The following FXYD5 variants were observed in gnomAD, a reference collection of about 807,000 sequenced individuals.
The protein encoded by FXYD5 is FXYD domain containing ion transport regulator 5.
Under a neutral mutation model 25.7 loss-of-function variants are expected in FXYD5, and 21 were observed. The observed-to-expected ratio is 0.82, with a 90% CI of 0.58 to 1.18. FXYD5 has a LOEUF of 1.18. FXYD5 is among the 50% of genes most tolerant of loss of function. The pLI is 0.00. For synonymous variants in FXYD5, 101 were observed against 90.7 expected, an observed-to-expected ratio of 1.11 and a Z score of -0.64; for missense variants, 229 against 227.7, an observed-to-expected ratio of 1.01 and a Z score of -0.04.
At chr19:35,156,247 C>A (rs1051752954) in intron 2 of FXYD5, among the ~76,000 whole-genome samples, 1 of 152,204 alleles carries the variant, frequency 6.6e-6, no homozygotes, top group African/African-American at 2.4e-5. Flanking sequence ...AACTGTCCTG[C>A]CTGCCCCCAG....
At chr19:35,155,449 G>GTT in intron 1 of FXYD5, 102 bp from the exon 2 acceptor site, 1 of 963,024 alleles carries the variant, frequency 1.0e-6, no homozygotes, top group Non-Finnish European at 1.7e-6. Flanking sequence ...GAAGCCAGAG[G>GTT]TTTTTGCTCA....
chr19:35,159,453 GTTC>G (rs1022591851), intron 4 of FXYD5: 141 of 1,536,582 alleles, frequency 9.2e-5, no homozygotes, highest in Non-Finnish European at 1.2e-4. Context: ...ATGTTTGGAA[GTTC>G]TTCTCACATC....
At chr19:35,159,177 C>T (rs1047129917) in intron 4 of FXYD5, among the ~76,000 whole-genome samples, 1 of 151,568 alleles carries the variant, frequency 6.6e-6, no homozygotes, top group African/African-American at 2.4e-5. Flanking sequence ...TTTAAAGACA[C>T]AGTAGTACAA....
intron 3 of FXYD5, 91 bp from the exon 4 acceptor site, chr19:35,158,253 A>G: frequency 3.7e-6 from 3 of 820,862 alleles, no homozygotes; most frequent in Non-Finnish European, 4.3e-6. Flanking sequence ...TTGAGTTGCT[A>G]CGGGAATCTC....
chr19:35,166,228 C>T (rs1369629738), intron 7 of FXYD5, 23 bp from the exon 8 acceptor site: 1 of 1,610,110 alleles, frequency 6.2e-7, no homozygotes, highest in South Asian at 1.1e-5. Flanking sequence ...TCTGACTCTA[C>T]CCCTTCATTT....
intron 5 of FXYD5, 132 bp from the exon 6 acceptor site, chr19:35,164,024 A>G (rs1435981966): frequency 1.3e-6 from 2 of 1,536,266 alleles, no homozygotes; most frequent in African/African-American, 2.8e-5. Flanking sequence ...AGTAGGGGGG[A>G]TGCCTGACCC....
intron 2 of FXYD5, 83 bp downstream of exon 2, chr19:35,155,694 C>A: frequency 9.9e-7 from 1 of 1,008,670 alleles, no homozygotes; most frequent in Non-Finnish European, 1.6e-6. Context: ...GGGTGGTTGG[C>A]CCGTGTGAAC....
At chr19:35,169,465 C>T in intron 8 of FXYD5, 101 bp from the exon 9 acceptor site, 1 of 880,856 alleles carries the variant, frequency 1.1e-6, no homozygotes, top group Non-Finnish European at 1.9e-6. Context: ...TTTGAGTTTC[C>T]CGAGGGGCAG....
At chr19:35,166,062 C>T in intron 6 of FXYD5, 80 bp from the exon 7 acceptor site, 1 of 1,353,874 alleles carries the variant, frequency 7.4e-7, no homozygotes, top group Non-Finnish European at 1.1e-6. Context: ...CAGGTATCCC[C>T]CTTTCCTGAC....
Position 35,158,346 on chromosome 19 carries a change from G to A in FXYD5, c.145G>A (p.Ala49Thr). The change falls in exon 4 of 9, where the codon GCA becomes ACA. Residue 49 changes from alanine (A) to threonine (T), a missense_variant and splice_region_variant. Coordinates refer to ENST00000392219, the MANE Select transcript of FXYD5 (RefSeq NM_014164.6). ...DIQVPTRAPD[A>T]VYTELQPTSP... ...GACTCCTTGTTTCTGGACTCCAGATGCAGTCTACACAGAACTCCAGCCCAC... is the reference window on the plus strand; with the variant it reads ...GACTCCTTGTTTCTGGACTCCAGATACAGTCTACACAGAACTCCAGCCCAC... 1 of 1,603,248 alleles carries A rather than the reference G, an allele frequency of 6.2e-7. No homozygotes were observed. The highest frequency in any genetic ancestry group is 8.5e-7 in the Non-Finnish European group (1 of 1,170,276).
rs1346882413 is a variant in FXYD5 at position 35,158,348 on chromosome 19, A to G, written c.147A>G (p.Ala49=). The G allele has an allele frequency of 3.7e-6, 6 of 1,604,376 alleles. No individual in the cohort carries two copies. Among genetic ancestry groups the G allele is most frequent in the Non-Finnish European group, 5.1e-6 (6 of 1,171,302 alleles). ...CTCCTTGTTTCTGGACTCCAGATGC[A>G]GTCTACACAGAACTCCAGCCCACCT... is the stretch of plus-strand genomic sequence containing the variant. The part of the protein sequence containing the change: ...DIQVPTRAPD[A]VYTELQPTSP... Residue 49 remains alanine (A), a synonymous_variant, in exon 4 of 9, where the codon GCA becomes GCG. Coordinates refer to ENST00000392219, the MANE Select transcript of FXYD5 (RefSeq NM_014164.6).
At chr19:35,167,952 C>T (rs1414290626) in intron 8 of FXYD5, among the ~76,000 whole-genome samples, 1 of 152,088 alleles carries the variant, frequency 6.6e-6, no homozygotes, top group Non-Finnish European at 1.5e-5. Context: ...GACACGGTGG[C>T]TCACTCCTGT....
rs775595540 is a variant in FXYD5 at position 35,158,381 on chromosome 19, C to T, written c.180C>T (p.Thr60=). 2.4e-5 allele frequency: 38 copies of T among 1,602,390 alleles called. No homozygotes were observed. The highest frequency in any genetic ancestry group is 4.0e-5 in the African/African-American group (3 of 74,612). The change falls in exon 4 of 9, where the codon ACC becomes ACT. Residue 60 remains threonine, a synonymous_variant. Transcript: ENST00000392219. ...CAGAACTCCAGCCCACCTCTCCAACCCCAACCTGGCCTGCTGATGGTGAGT... is the reference window on the plus strand; with the variant it reads ...CAGAACTCCAGCCCACCTCTCCAACTCCAACCTGGCCTGCTGATGGTGAGT... ...VYTELQPTSP[T]PTWPADETPQ... is the part of the protein sequence containing the mutation.
Position 35,169,566 on chromosome 19 carries a change from G to T in FXYD5, c.488G>T (p.Ser163Ile), listed in dbSNP as rs1394730629. 1 of 1,607,040 alleles carries T rather than the reference G, an allele frequency of 6.2e-7. No individual in the cohort carries two copies. The highest frequency in any genetic ancestry group is 1.3e-5 in the African/African-American group (1 of 74,904). ...ACTGAATCATTTCCTTCACCCACAG[G>T]TGGCAAGTGCAGGCAGCTGTCCCGG... ...LFITGIIILT[S>I]GKCRQLSRLC... is the part of the protein sequence containing the mutation. The change falls in exon 9 of 9, where the codon AGT becomes ATT. Residue 163 changes from serine (S) to isoleucine (I), a missense_variant and splice_region_variant. Physicochemically the swap from Ser to Ile is moderately radical, Grantham distance 142. Transcript: ENST00000392219.
intron 1 of FXYD5, 145 bp from the exon 2 acceptor site, chr19:35,155,406 A>G (rs1413728184): frequency 1.5e-5 from 10 of 687,152 alleles, no homozygotes; most frequent in Non-Finnish European, 2.4e-5. Flanking sequence ...CTTTCCCCTG[A>G]GGCCAGCCGT....
intron 3 of FXYD5, 166 bp downstream of exon 3, chr19:35,157,667 A>G (rs1328916915): frequency 5.7e-6 from 3 of 522,490 alleles, no homozygotes; most frequent in Non-Finnish European, 1.0e-5. Flanking sequence ...TGATGCTATC[A>G]GAACCTCTCT....
At chr19:35,155,516 A>G (rs2065345310) in intron 1 of FXYD5, 35 bp from the exon 2 acceptor site, 2 of 1,587,364 alleles carry the variant, frequency 1.3e-6, no homozygotes, top group Admixed American at 1.7e-5. Context: ...TCTCACTGAC[A>G]TCATGGCTGA....
chr19:35,156,090 G>A (rs1188243041), intron 2 of FXYD5, among the ~76,000 whole-genome samples: 1 of 152,218 alleles, frequency 6.6e-6, no homozygotes, highest in African/African-American at 2.4e-5. Flanking sequence ...CTGTGTGGCA[G>A]GTGTGGTGTG....
At chr19:35,169,116 T>C (rs1411148591) in intron 8 of FXYD5, among the ~76,000 whole-genome samples, 1 of 151,796 alleles carries the variant, frequency 6.6e-6, no homozygotes, top group Non-Finnish European at 1.5e-5. Context: ...GCCATCCCTG[T>C]GAGGATGAGC....
Sources: gnomAD v4.1 joint callset for allele counts (sites outside exome capture counted in the v4.1 genomes callset) on GRCh38, gnomAD v4.1.1 for gene constraint, MANE v1.5 for transcripts, NCBI Gene and HGNC (gene_info 2026-07-23, HGNC 2026-07-21) for gene names.